RAB5IF: variants seen among roughly 807,000 people sequenced by gnomAD.
RAB5IF encodes RAB5 interacting factor, also known as GEL complex subunit OPTI.
In RAB5IF, 15 loss-of-function variants were observed where a neutral mutation model predicts 20.3. That is an observed-to-expected ratio of 0.74 (90% CI 0.50 to 1.14). RAB5IF has a LOEUF of 1.14. Ranked by LOEUF, RAB5IF falls within the 50% of genes most tolerant of loss-of-function variation. The pLI is 0.00. For missense variants in RAB5IF, 148 were observed against 159.5 expected, an observed-to-expected ratio of 0.93 and a Z score of 0.39; for synonymous variants, 67 against 63.7, an observed-to-expected ratio of 1.05 and a Z score of -0.25.
chr20:36,609,193 ACGCACACACG>A (rs1372926652), intron 2 of RAB5IF, among the ~76,000 whole-genome samples: 815 of 62,224 alleles, frequency 0.013, 186 homozygotes, highest in African/African-American at 0.015. Context: ...ACACACACAC[ACGCACACACG>A]CACACACGCA....
At chr20:36,609,219 G>GCACACACGCACA (rs2039034627) in intron 2 of RAB5IF, among the ~76,000 whole-genome samples, 5 of 42,774 alleles carry the variant, frequency 1.2e-4, no homozygotes, top group Non-Finnish European at 2.2e-4. Context: ...ACGCACACAC[G>GCACACACGCACA]CACACACACA....
In RAB5IF at chr20:36,609,578, G is replaced by C. The variant is rs563257001; in HGVS notation, c.219-23G>C. On this transcript the variant is annotated intron_variant, in intron 2 of 3. Coordinates refer to ENST00000344795, the MANE Select transcript of RAB5IF (RefSeq NM_018840.5). ...CTTCTAAGCTTTCAATTTATGTTTG[G>C]TACTTGTTCTCTGTTGCTCCAGATT... is the stretch of plus-strand genomic sequence containing the variant. 38 of 1,559,316 alleles carry C rather than the reference G, an allele frequency of 2.4e-5. No individual in the cohort carries two copies. In the Admixed American group the frequency reaches 2.9e-4, roughly 12 times the overall value.
intron 2 of RAB5IF, among the ~76,000 whole-genome samples, chr20:36,609,225 A>ACGCACACACG: frequency 8.3e-6 from 1 of 120,462 alleles, no homozygotes; most frequent in Non-Finnish European, 1.7e-5. Context: ...ACACGCACAC[A>ACGCACACACG]CACACACACA....
At chr20:36,609,250 CACACACTAT>C (rs2039043067) in intron 2 of RAB5IF, among the ~76,000 whole-genome samples, 1 of 135,638 alleles carries the variant, frequency 7.4e-6, no homozygotes, top group Non-Finnish European at 1.5e-5. Flanking sequence ...CACACACACA[CACACACTAT>C]ATATAGAGTT....
chr20:36,612,193 A>G lies in RAB5IF; in HGVS notation c.*142A>G. 1 of 1,614,228 alleles carries G rather than the reference A, an allele frequency of 6.2e-7. No individual in the cohort carries two copies. Among genetic ancestry groups the G allele is most frequent in the Non-Finnish European group, 8.5e-7 (1 of 1,180,040 alleles). ...TGGACCGCGAATCAGTGTGTTGGGC[A>G]TCAGTGTTTTCTGCAAGGGTTGTGA... On this transcript the variant is annotated 3_prime_UTR_variant, in exon 4 of 4. Transcript: ENST00000344795.
At chr20:36,611,554 A>G (rs910918744) in intron 3 of RAB5IF, among the ~76,000 whole-genome samples, 3 of 152,052 alleles carry the variant, frequency 2.0e-5, no homozygotes, top group Non-Finnish European at 4.4e-5. Context: ...ACCCAAACCA[A>G]TAAAATCTTT....
Position 36,610,872 on chromosome 20 carries a change from C to T in RAB5IF, c.349-1138C>T, listed in dbSNP as rs112689450. Among the ~76,000 whole-genome samples the T allele has an allele frequency of 5.0e-3, 760 of 152,282 alleles. 7 individuals carry two copies. Among genetic ancestry groups the T allele is most frequent in the African/African-American group, 0.018 (733 of 41,556 alleles). ...AGGCAAAAAGTAGATTAGTGGTTGC[C>T]AGTGGCTGGGAGGAGGGGATGGAGA... On this transcript the variant is annotated intron_variant, in intron 3 of 3. Coordinates refer to ENST00000344795, the MANE Select transcript of RAB5IF (RefSeq NM_018840.5).
chr20:36,611,902 G>C, intron 3 of RAB5IF, 108 bp from the exon 4 acceptor site: 1 of 1,423,158 alleles, frequency 7.0e-7, no homozygotes, highest in Non-Finnish European at 9.8e-7. Flanking sequence ...GCAACGGATA[G>C]CCCCTGGAGA....
rs2039028020 is a variant in RAB5IF at position 36,609,197 on chromosome 20, A to ACACACACACACACACT, written c.219-399_219-398insACACACACACTCACAC. ...CACACACACACACACACACACACGC[A>ACACACACACACACACT]CACACGCACACACGCACACACGCAC... On this transcript the variant is annotated intron_variant, in intron 2 of 3. Transcript: ENST00000344795. Among the ~76,000 whole-genome samples, 2 of 54,582 alleles carry ACACACACACACACACT rather than the reference A, an allele frequency of 3.7e-5. 1 individual carries two copies. The allele number at this position is 54,582 out of a possible 152,430, so 35.8% of individuals were successfully genotyped here.
chr20:36,608,968 G>T (rs1186925592), intron 2 of RAB5IF, among the ~76,000 whole-genome samples: 1 of 151,548 alleles, frequency 6.6e-6, no homozygotes, highest in Non-Finnish European at 1.5e-5. Flanking sequence ...ATCCAGAAAT[G>T]GTCTCCCACT....
intron 2 of RAB5IF, among the ~76,000 whole-genome samples, chr20:36,609,376 A>C (rs1354286251): frequency 4.0e-5 from 6 of 151,322 alleles, no homozygotes; most frequent in Non-Finnish European, 8.8e-5. Flanking sequence ...AGCAGCTGGG[A>C]TTACAGGCGC....
At chr20:36,611,292 A>AT (rs879106829) in intron 3 of RAB5IF, among the ~76,000 whole-genome samples, 26 of 150,784 alleles carry the variant, frequency 1.7e-4, no homozygotes, top group Admixed American at 4.6e-4. Context: ...CACCTGGCCC[A>AT]TTTTTTTTTA....
Position 36,612,354 on chromosome 20 carries a change from T to C in RAB5IF, c.*303T>C, listed in dbSNP as rs2039145503. 1.2e-6 allele frequency: 1 copy of C among 804,178 alleles called. No homozygotes were observed. Among genetic ancestry groups the C allele is most frequent in the Admixed American group, 2.2e-5 (1 of 44,686 alleles). 49.8% of individuals were successfully genotyped at this position (804,178 alleles called of 1,614,324 possible). On this transcript the variant is annotated 3_prime_UTR_variant, in exon 4 of 4. Coordinates refer to ENST00000344795, the MANE Select transcript of RAB5IF (RefSeq NM_018840.5). ...GAGCTGTCATTTAATTTGATGCACC[T>C]CTGGATTCAGATGAAACATTAAATT...
intron 1 of RAB5IF, 78 bp downstream of exon 1, chr20:36,606,143 C>A (rs2038928875): frequency 1.1e-6 from 1 of 898,088 alleles, no homozygotes; most frequent in Non-Finnish European, 1.6e-6. Flanking sequence ...CGCGGGCCTG[C>A]CCTCGTCCTC....
At chr20:36,606,170 G>A in intron 1 of RAB5IF, 105 bp downstream of exon 1, 1 of 683,408 alleles carries the variant, frequency 1.5e-6, no homozygotes, top group Non-Finnish European at 2.2e-6. Flanking sequence ...GCACAATCGA[G>A]TAGGGCAGTG....
At chr20:36,609,187 A>ACACACACG (rs869091103) in intron 2 of RAB5IF, among the ~76,000 whole-genome samples, 6 of 52,728 alleles carry the variant, frequency 1.1e-4, no homozygotes, top group African/African-American at 1.7e-4. Context: ...ACACACACAC[A>ACACACACG]CACACACGCA....
In RAB5IF at chr20:36,612,111, A is replaced by G; in HGVS notation, c.*60A>G. ...CAAAGGACCCTCTTGATTACAGCAC[A>G]GGAACTTGATCGTTGGGGAACCCCA... On this transcript the variant is annotated 3_prime_UTR_variant, in exon 4 of 4. Transcript: ENST00000344795. The G allele has an allele frequency of 6.2e-7, 1 of 1,614,212 alleles. No homozygotes were observed. Among genetic ancestry groups the G allele is most frequent in the Non-Finnish European group, 8.5e-7 (1 of 1,180,038 alleles).
In RAB5IF at chr20:36,611,925, T is replaced by C. The variant is rs556084939; in HGVS notation, c.349-85T>C. Reference sequence around the variant, plus strand: ...TAGCCCCTGGAGAGTGCCCCGTGTTTACATTCTCATCTGGCATTTTTGTTT... The same window carrying C: ...TAGCCCCTGGAGAGTGCCCCGTGTTCACATTCTCATCTGGCATTTTTGTTT... On this transcript the variant is annotated intron_variant, in intron 3 of 3. Coordinates refer to ENST00000344795, the MANE Select transcript of RAB5IF (RefSeq NM_018840.5). 19 of 1,579,842 alleles carry C rather than the reference T, an allele frequency of 1.2e-5. No individual in the cohort carries two copies. In the East Asian group the frequency reaches 4.3e-4, roughly 36 times the overall value.
intron 2 of RAB5IF, among the ~76,000 whole-genome samples, chr20:36,609,209 A>ACACACACACACACACACACACC (rs2039031838): frequency 1.6e-5 from 1 of 63,918 alleles, no homozygotes; most frequent in African/African-American, 7.8e-5. Context: ...ACACGCACAC[A>ACACACACACACACACACACACC]CGCACACACG....
Sources: allele counts gnomAD v4.1 joint callset (sites outside exome capture counted in the v4.1 genomes callset), GRCh38; gene constraint gnomAD v4.1.1; transcripts MANE v1.5; gene names NCBI Gene and HGNC (gene_info 2026-07-23, HGNC 2026-07-21).